Variants in TBL1X observed in about 807,000 individuals in gnomAD.
TBL1X encodes the protein transducin beta like 1 X-linked.
A neutral mutation model predicts 50.7 loss-of-function variants in TBL1X; 10 were observed. The observed-to-expected ratio is 0.20, with a 90% CI of 0.12 to 0.33. The LOEUF (loss-of-function observed/expected upper bound fraction) is 0.33. Ranked by LOEUF, TBL1X falls within the 10% of genes least tolerant of loss-of-function variation. The pLI, the probability that TBL1X is intolerant of heterozygous loss-of-function variation, is 1.00. For missense variants in TBL1X, 340 were observed against 504.4 expected (o/e 0.67, Z 3.12); for synonymous variants, 190 against 214.7 (o/e 0.88, Z 1.01).
At chrX:9,587,590 C>G (rs909958907) in intron 2 of TBL1X, among the ~76,000 whole-genome samples, 59 of 111,517 alleles carry the variant, frequency 5.3e-4, no homozygotes, top group African/African-American at 1.9e-3. Flanking sequence ...GAGGGGGTGA[C>G]AAACACCACA....
At chrX:9,645,869 C>T (rs909829418) in intron 3 of TBL1X, among the ~76,000 whole-genome samples, 2 of 111,665 alleles carry the variant, frequency 1.8e-5, no homozygotes, top group African/African-American at 3.3e-5. Context: ...GTTTTGTTGT[C>T]GCCCCCTGCC....
chrX:9,563,277 G>A (rs1432653096), intron 2 of TBL1X, among the ~76,000 whole-genome samples: 1 of 112,911 alleles, frequency 8.9e-6, no homozygotes, highest in Non-Finnish European at 1.9e-5. Flanking sequence ...GAAAAAAGGA[G>A]GAGTACTTGA....
chrX:9,690,989 C>T (rs1331617462), intron 7 of TBL1X, among the ~76,000 whole-genome samples: 3 of 111,805 alleles, frequency 2.7e-5, no homozygotes, highest in Non-Finnish European at 5.6e-5. Context: ...AAGCAGTCCT[C>T]CCTCCTCAGC....
chrX:9,578,842 TTTATC>T (rs1337924349), intron 2 of TBL1X, among the ~76,000 whole-genome samples: 4 of 112,043 alleles, frequency 3.6e-5, no homozygotes, highest in East Asian at 2.8e-4. Flanking sequence ...GAAAATCACT[TTTATC>T]TTATTTGCAA....
At chrX:9,570,095 G>A (rs141659526) in intron 2 of TBL1X, among the ~76,000 whole-genome samples, 1,849 of 112,214 alleles carry the variant, frequency 0.016, 39 homozygotes, top group African/African-American at 0.057. Context: ...AATTCCACGT[G>A]TGTAAGCCAA....
chrX:9,711,857 CAGTGCCCCGGAGGGAGTTGAG>C, intron 16 of TBL1X, 81 bp downstream of exon 16: 2 of 1,049,251 alleles, frequency 1.9e-6, no homozygotes, highest in South Asian at 5.1e-5. Flanking sequence ...TGGCTCAGAG[CAGTGCCCCGGAGGGAGTTGAG>C]CAAGCTCAGG....
chrX:9,640,450 TTC>T (rs1228735139), intron 3 of TBL1X, 90 bp downstream of exon 3: 1 of 111,924 alleles, frequency 8.9e-6, no homozygotes, highest in African/African-American at 3.2e-5. Flanking sequence ...ATGGAACCCC[TTC>T]TGTTTTAAAT....
At chrX:9,658,803 T>C (rs1013484651) in intron 5 of TBL1X, among the ~76,000 whole-genome samples, 1 of 111,263 alleles carries the variant, frequency 9.0e-6, no homozygotes, top group African/African-American at 3.3e-5. Flanking sequence ...TGAAAAATTT[T>C]GTTTTTTGAG....
chrX:9,671,585 A>G (rs1172560435), intron 5 of TBL1X, among the ~76,000 whole-genome samples: 1 of 112,981 alleles, frequency 8.9e-6, no homozygotes, highest in Admixed American at 9.3e-5. Context: ...AGGAGTGGGT[A>G]AGTAGCTGGA....
At chrX:9,620,577 G>A (rs1033990435) in intron 2 of TBL1X, among the ~76,000 whole-genome samples, 9 of 112,150 alleles carry the variant, frequency 8.0e-5, no homozygotes, top group African/African-American at 2.9e-4. Flanking sequence ...TGGATGAACC[G>A]AAGTGTGTAA....
intron 1 of TBL1X, among the ~76,000 whole-genome samples, chrX:9,491,467 A>G (rs1181787120): frequency 9.5e-6 from 1 of 104,858 alleles, no homozygotes; most frequent in Non-Finnish European, 1.9e-5. Context: ...CAGCCACCCG[A>G]GTAGCTGAGA....
At chrX:9,541,809 G>A (rs1033532984) in intron 2 of TBL1X, among the ~76,000 whole-genome samples, 10 of 111,546 alleles carry the variant, frequency 9.0e-5, no homozygotes, top group South Asian at 7.6e-4. Flanking sequence ...AATGACCCTC[G>A]CTAGGATTTG....
chrX:9,556,312 T>C (rs2082299305), intron 2 of TBL1X, among the ~76,000 whole-genome samples: 1 of 111,158 alleles, frequency 9.0e-6, no homozygotes, highest in African/African-American at 3.3e-5. Context: ...CTGTGGCTGC[T>C]GTAACAAACT....
chrX:9,463,326 C>T (rs1006110279), upstream of TBL1X: 7 of 111,359 alleles, frequency 6.3e-5, no homozygotes, highest in Admixed American at 3.8e-4. Flanking sequence ...TCAGTCTGCA[C>T]AAGCCCAGGG....
At chrX:9,710,128 G>T (rs191839852) in intron 15 of TBL1X, among the ~76,000 whole-genome samples, 174 of 92,578 alleles carry the variant, frequency 1.9e-3, no homozygotes, top group African/African-American at 6.9e-3. Context: ...GAGGCAGGAG[G>T]ATGGCTTGAG....
At chrX:9,494,731 G>C (rs1204254470) in intron 1 of TBL1X, among the ~76,000 whole-genome samples, 1 of 112,094 alleles carries the variant, frequency 8.9e-6, no homozygotes, top group Non-Finnish European at 1.9e-5. Flanking sequence ...ATTCGGGCTA[G>C]AACAATTCTC....
intron 1 of TBL1X, among the ~76,000 whole-genome samples, chrX:9,476,973 T>C (rs1357887489): frequency 3.6e-5 from 4 of 112,405 alleles, no homozygotes; most frequent in Non-Finnish European, 3.8e-5. Flanking sequence ...CATGGAAACA[T>C]TGCATTTTTA....
intron 5 of TBL1X, among the ~76,000 whole-genome samples, chrX:9,656,951 C>A (rs1466202329): frequency 2.7e-5 from 3 of 111,999 alleles, no homozygotes; most frequent in Non-Finnish European, 5.6e-5. Context: ...GAAAACATTT[C>A]CCTGATCATG....
rs192339710 is a variant in TBL1X, at chrX:9,638,867, C to A, written c.-130-1406C>A. Among the ~76,000 whole-genome samples the A allele has an allele frequency of 4.9e-3, 549 of 111,605 alleles. 5 individuals are homozygous for A. Among genetic ancestry groups the A allele is most frequent in the African/African-American group, 0.016 (480 of 30,770 alleles). ...CCAATCCTGAAAACAGTAATTTGGT[C>A]TCTCCAGCTCACTATAAGGAGTATT... On this transcript the variant is annotated intron_variant, in intron 2 of 17. Transcript: ENST00000645353.
Sources: allele counts gnomAD v4.1 joint callset (sites outside exome capture counted in the v4.1 genomes callset), GRCh38; gene constraint gnomAD v4.1.1; transcripts MANE v1.5; gene names NCBI Gene and HGNC (gene_info 2026-07-23, HGNC 2026-07-21).